CUX1: variants seen among roughly 807,000 people sequenced by gnomAD.
The protein encoded by CUX1 is protein CASP.
Under a neutral mutation model 158.8 loss-of-function variants are expected in CUX1, and 31 were observed. The ratio of observed to expected loss-of-function variants is 0.20; its 90% CI spans 0.15 to 0.26. The LOEUF (loss-of-function observed/expected upper bound fraction) is 0.26. Among genes scored for constraint, CUX1 ranks in the 10% least tolerant of loss-of-function variants. The probability of loss-of-function intolerance (pLI) is 1.00; values close to 1 mark genes in which losing one functional copy is unlikely to be tolerated. For missense variants in CUX1, 1,589 were observed against 2,014.6 expected, an observed-to-expected ratio of 0.79 and a Z score of 4.04; for synonymous variants, 879 against 862.1, an observed-to-expected ratio of 1.02 and a Z score of -0.34.
intron 14 of CUX1, 78 bp downstream of exon 14, chr7:102,195,681 G>C: frequency 1.5e-6 from 2 of 1,342,004 alleles, no homozygotes; most frequent in Admixed American, 2.1e-5. Flanking sequence ...AAGGTGAATC[G>C]TGAGTCTGGA....
Position 102,257,146 on chromosome 7 carries a change from A to T in CUX1, c.*8104A>T. 1.0e-6 allele frequency: 1 copy of T among 985,386 alleles called. No homozygotes were observed. Among genetic ancestry groups the T allele is most frequent in the Non-Finnish European group, 1.2e-6 (1 of 829,924 alleles). The allele number at this position is 985,386 out of a possible 1,614,324, so 61.0% of individuals were successfully genotyped here. A position where few individuals can be genotyped will look rare whatever the true frequency, so the allele number is the denominator to read the frequency against. On this transcript the variant is annotated 3_prime_UTR_variant, in exon 24 of 24. Transcript: ENST00000292535. ...GGCCCAGCAGAAGGAAACTTACCCC[A>T]GGCCAAGGCAAGGGCCCTGCTCACC...
chr7:102,213,759 G>C (rs533792244), intron 20 of CUX1, among the ~76,000 whole-genome samples: 1 of 152,216 alleles, frequency 6.6e-6, no homozygotes, highest in Non-Finnish European at 1.5e-5. Flanking sequence ...TTGCAGAAAG[G>C]GGGGTGGGAA....
chr7:102,093,770 A>G (rs1027798929), intron 4 of CUX1, among the ~76,000 whole-genome samples: 7 of 152,242 alleles, frequency 4.6e-5, no homozygotes, highest in Non-Finnish European at 7.3e-5. Context: ...GGAATTAAGT[A>G]TCAGATGATT....
chr7:101,821,341 CTT>C (rs558871601), intron 1 of CUX1, among the ~76,000 whole-genome samples: 24 of 140,804 alleles, frequency 1.7e-4, no homozygotes, highest in Admixed American at 2.2e-4. Flanking sequence ...TATTTTCTTT[CTT>C]TTTTTTTTTT....
intron 1 of CUX1, among the ~76,000 whole-genome samples, chr7:101,835,797 G>A (rs1257138024): frequency 6.6e-6 from 1 of 152,126 alleles, no homozygotes; most frequent in Non-Finnish European, 1.5e-5. Context: ...GTGCAATGGC[G>A]CGATCTTGGC....
chr7:101,817,408 G>T, upstream of CUX1: 1 of 984,628 alleles, frequency 1.0e-6, no homozygotes, highest in South Asian at 4.7e-5. This position sits in a 1 kb window ranked among gnomAD's most constrained non-coding sequence, Gnocchi z 4.1. Context: ...GAGCCCCGGG[G>T]GCCCGTTGGG....
intron 4 of CUX1, among the ~76,000 whole-genome samples, chr7:102,096,452 G>A (rs1480602601): frequency 6.6e-6 from 1 of 152,170 alleles, no homozygotes; most frequent in African/African-American, 2.4e-5. Context: ...GGTGGCTCAC[G>A]CCTGTAATCC....
At chr7:102,097,279 G>A (rs1458685421) in intron 4 of CUX1, 85 bp from the exon 5 acceptor site, 2 of 1,483,752 alleles carry the variant, frequency 1.3e-6, no homozygotes, top group African/African-American at 2.8e-5. Flanking sequence ...GATGTCCCAG[G>A]AGCCCCACTC....
chr7:101,959,534 C>T (rs1016106003), intron 2 of CUX1: 5 of 152,200 alleles, frequency 3.3e-5, no homozygotes, highest in Non-Finnish European at 7.3e-5. Context: ...TGTTCTGCCT[C>T]TTCGGGTGCC....
At chr7:101,864,912 A>G (rs1452822307) in intron 1 of CUX1, among the ~76,000 whole-genome samples, 2 of 152,330 alleles carry the variant, frequency 1.3e-5, no homozygotes, top group Admixed American at 1.3e-4. Flanking sequence ...GTGCTTCATG[A>G]TATATTAATA....
intron 11 of CUX1, among the ~76,000 whole-genome samples, chr7:102,185,298 C>T (rs1248579232): frequency 6.6e-6 from 1 of 152,184 alleles, no homozygotes; most frequent in African/African-American, 2.4e-5. Flanking sequence ...TCTAAGTACC[C>T]AATATTTTTT....
At chr7:102,046,073 T>C (rs1012001370) in intron 3 of CUX1, among the ~76,000 whole-genome samples, 7 of 152,176 alleles carry the variant, frequency 4.6e-5, no homozygotes, top group African/African-American at 1.7e-4. Flanking sequence ...CCAGAATGAC[T>C]TAGGAAAATG....
intron 2 of CUX1, chr7:101,932,572 A>G (rs1415977171): frequency 2.2e-6 from 1 of 455,486 alleles, no homozygotes; most frequent in Non-Finnish European, 4.4e-6. Context: ...GCCACTGGCA[A>G]AGTGAAGAAA....
intron 8 of CUX1, among the ~76,000 whole-genome samples, chr7:102,120,335 C>G (rs1428984308): frequency 1.1e-4 from 17 of 152,208 alleles, no homozygotes; most frequent in African/African-American, 4.1e-4. Context: ...CATTCCTCCC[C>G]ACTCGTGGGC....
chr7:101,995,424 C>T (rs1306879626), intron 2 of CUX1, among the ~76,000 whole-genome samples: 1 of 152,172 alleles, frequency 6.6e-6, no homozygotes, highest in East Asian at 1.9e-4. Context: ...AAACAGTACC[C>T]TCTCACCCTG....
intron 3 of CUX1, among the ~76,000 whole-genome samples, chr7:102,054,370 G>GC (rs1198748672): frequency 6.6e-6 from 1 of 152,100 alleles, no homozygotes; most frequent in African/African-American, 2.4e-5. Flanking sequence ...TTGCTCTTTT[G>GC]CATGTGGATA....
intron 12 of CUX1, among the ~76,000 whole-genome samples, chr7:102,191,573 T>C (rs543177161): frequency 1.3e-5 from 2 of 152,240 alleles, no homozygotes; most frequent in East Asian, 3.9e-4. Context: ...TCCCATTCTT[T>C]CCTTCCTTTC....
intron 2 of CUX1, among the ~76,000 whole-genome samples, chr7:101,919,394 C>T (rs17407001): frequency 0.089 from 13,562 of 152,244 alleles, 813 homozygotes; most frequent in Non-Finnish European, 0.13. Context: ...GATTACTAAC[C>T]GTGGAGGTGA....
chr7:102,261,523 C>A (rs1260844924), downstream of CUX1, among the ~76,000 whole-genome samples: 2 of 150,452 alleles, frequency 1.3e-5, no homozygotes, highest in Admixed American at 1.3e-4. Flanking sequence ...AATACCAATA[C>A]GAAGAGCCCT....
Sources: allele counts gnomAD v4.1 joint callset (sites outside exome capture counted in the v4.1 genomes callset), GRCh38; gene constraint gnomAD v4.1.1; non-coding constraint Gnocchi (gnomAD v3.1); transcripts MANE v1.5; gene names NCBI Gene and HGNC (gene_info 2026-07-23, HGNC 2026-07-21).